Variants in DRG1 observed in about 807,000 individuals in gnomAD.
The protein encoded by DRG1 is developmentally-regulated GTP-binding protein 1.
In DRG1, 19 loss-of-function variants were observed where a neutral mutation model predicts 38.8. The ratio of observed to expected loss-of-function variants is 0.49; its 90% CI spans 0.34 to 0.72. DRG1 has a LOEUF of 0.72. DRG1 is among the 30% of genes least tolerant of loss of function. The pLI is 0.01. For missense variants in DRG1, 299 were observed against 444.8 expected (o/e 0.67, Z 2.95); for synonymous variants, 167 against 157.5 (o/e 1.06, Z -0.45).
chr22:31,433,986 C>T lies in DRG1; in HGVS notation c.*15C>T, dbSNP rs997285530. 3 of 1,610,898 alleles carry T rather than the reference C, an allele frequency of 1.9e-6. No homozygotes were observed. Among genetic ancestry groups the T allele is most frequent in the Non-Finnish European group, 2.5e-6 (3 of 1,177,406 alleles). ...TGAAGAAGTGAAACCTTTCCCTTTT[C>T]CCATCTGCCGGACGAACCACAACAG... On this transcript the variant is annotated 3_prime_UTR_variant, in exon 9 of 9. Coordinates refer to ENST00000331457, the MANE Select transcript of DRG1 (RefSeq NM_004147.4).
chr22:31,428,126 A>G (rs918006829), intron 8 of DRG1, among the ~76,000 whole-genome samples: 4 of 152,206 alleles, frequency 2.6e-5, no homozygotes, highest in African/African-American at 9.6e-5. Context: ...TGTTAGGATT[A>G]TAGGTGTGAG....
At chr22:31,418,344 A>G (rs1179652139) in intron 4 of DRG1, among the ~76,000 whole-genome samples, 1 of 151,892 alleles carries the variant, frequency 6.6e-6, no homozygotes, top group Non-Finnish European at 1.5e-5. Flanking sequence ...GTAGTCCCGG[A>G]TATTCAAGGA....
chr22:31,417,071 A>G (rs1384308756), intron 4 of DRG1, among the ~76,000 whole-genome samples: 2 of 150,296 alleles, frequency 1.3e-5, no homozygotes, highest in African/African-American at 4.9e-5. Flanking sequence ...CTCAAAAAAA[A>G]AAATAATAAT....
chr22:31,433,462 G>C (rs2041616320), intron 8 of DRG1, among the ~76,000 whole-genome samples: 1 of 151,970 alleles, frequency 6.6e-6, no homozygotes, highest in Non-Finnish European at 1.5e-5. Flanking sequence ...GTGGAGACGG[G>C]GTTTCACCAT....
intron 4 of DRG1, among the ~76,000 whole-genome samples, chr22:31,414,901 T>G (rs989878644): frequency 4.6e-5 from 7 of 151,868 alleles, no homozygotes; most frequent in African/African-American, 1.7e-4. Context: ...CTTCTTAGCC[T>G]CTTGAGTAGC....
In DRG1 at chr22:31,423,371, C is replaced by G; in HGVS notation, c.674C>G (p.Ala225Gly). ...HNADVTLRSD[A>G]TADDLIDVVE... ...GCCGATGTGACTCTACGTAGTGATG[C>G]TACAGCTGATGACCTCATTGATGTG... is the stretch of plus-strand genomic sequence containing the variant. The change falls in exon 6 of 9, where the codon GCT (alanine) becomes GGT (glycine). Residue 225 changes from alanine (A) to glycine (G), a missense_variant. Physicochemically the swap from Ala to Gly is moderately conservative, Grantham distance 60. Coordinates refer to ENST00000331457, the MANE Select transcript of DRG1 (RefSeq NM_004147.4). 6.2e-7 allele frequency: 1 copy of G among 1,614,040 alleles called. No individual in the cohort carries two copies. The highest frequency in any genetic ancestry group is 8.5e-7 in the Non-Finnish European group (1 of 1,180,018).
At chr22:31,421,279 AT>A (rs201178656) in intron 5 of DRG1, 4,030 of 119,570 alleles carry the variant, frequency 0.034, 83 homozygotes, top group African/African-American at 0.073. Context: ...GGCTTGGCTA[AT>A]TTTTTTTTTT....
At chr22:31,408,891 A>G (rs559618932) in intron 3 of DRG1, among the ~76,000 whole-genome samples, 76 of 151,998 alleles carry the variant, frequency 5.0e-4, no homozygotes, top group Non-Finnish European at 5.4e-4. Flanking sequence ...ATTTGTTTTA[A>G]CTGTTTTGAC....
In DRG1 at chr22:31,416,537, C is replaced by T. The variant is rs577540521; in HGVS notation, c.413-3719C>T. Among the ~76,000 whole-genome samples, 587 of 143,538 alleles carry T rather than the reference C, an allele frequency of 4.1e-3. 3 individuals are homozygous for T. The highest frequency in any genetic ancestry group is 0.015 in the African/African-American group (540 of 36,766). The allele number at this position is 143,538 out of a possible 152,430, so 94.2% of individuals were successfully genotyped here. On this transcript the variant is annotated intron_variant, in intron 4 of 8. Coordinates refer to ENST00000331457, the MANE Select transcript of DRG1 (RefSeq NM_004147.4). ...TGGGAGGCCAAGGTGGGTGGATCAC[C>T]TGAGGTCAGGAGTTCAAGACCAGCC...
chr22:31,404,461 C>T (rs901308509), intron 3 of DRG1, among the ~76,000 whole-genome samples: 4 of 151,526 alleles, frequency 2.6e-5, no homozygotes, highest in African/African-American at 9.7e-5. Flanking sequence ...AGGCTGGTCT[C>T]GAACTCCTGA....
At chr22:31,421,204 C>T (rs1485840970) in intron 5 of DRG1, 2 of 151,616 alleles carry the variant, frequency 1.3e-5, no homozygotes, top group Admixed American at 6.6e-5. Flanking sequence ...GCTCAAAACT[C>T]TTGGGCTCAA....
chr22:31,421,799 C>T (rs1395648019), intron 5 of DRG1, among the ~76,000 whole-genome samples: 1 of 152,062 alleles, frequency 6.6e-6, no homozygotes, highest in Non-Finnish European at 1.5e-5. Context: ...TAACTGAGAT[C>T]ACCAAGGATG....
intron 5 of DRG1, among the ~76,000 whole-genome samples, 172 bp downstream of exon 5, chr22:31,420,597 G>A (rs1375585285): frequency 6.6e-6 from 1 of 152,176 alleles, no homozygotes; most frequent in African/African-American, 2.4e-5. Context: ...TAGGATAGGA[G>A]CCAGTCTCAG....
chr22:31,431,019 T>TCCCCCCCC (rs10570678), intron 8 of DRG1, among the ~76,000 whole-genome samples: 1 of 81,018 alleles, frequency 1.2e-5, no homozygotes, highest in Non-Finnish European at 2.2e-5. Flanking sequence ...CACCCGGCCT[T>TCCCCCCCC]CCCCCCCCCC....
intron 4 of DRG1, among the ~76,000 whole-genome samples, chr22:31,412,352 C>CTTT (rs539328480): frequency 3.9e-5 from 5 of 127,280 alleles, no homozygotes; most frequent in Non-Finnish European, 6.9e-5. Flanking sequence ...TTCTTTCTTT[C>CTTT]TTTTTTTTTT....
intron 3 of DRG1, 46 bp from the exon 4 acceptor site, chr22:31,410,965 TA>T: frequency 1.3e-6 from 2 of 1,588,854 alleles, no homozygotes; most frequent in African/African-American, 2.7e-5. Flanking sequence ...TTCAAATTTA[TA>T]ACCAGTTTTT....
At position 31,400,283 on chromosome 22, in the gene DRG1, T is replaced by C. The variant is rs564113819; in HGVS notation, c.43-337T>C. 5.9e-5 allele frequency among the ~76,000 whole-genome samples: 9 copies of C among 152,072 alleles called. No homozygotes were observed. In the East Asian group the frequency reaches 1.5e-3, roughly 26 times the overall value. On this transcript the variant is annotated intron_variant, in intron 1 of 8. Coordinates refer to ENST00000331457, the MANE Select transcript of DRG1 (RefSeq NM_004147.4). ...CTGGATAGTGTGTGATTCCATTGCG[T>C]GCGGCCCTGAGAGCGCTTTACAATT...
chr22:31,417,739 C>T (rs893076837), intron 4 of DRG1, among the ~76,000 whole-genome samples: 1 of 151,512 alleles, frequency 6.6e-6, no homozygotes, highest in Admixed American at 6.6e-5. Flanking sequence ...GCATGTAATC[C>T]CAGCACTTTA....
chr22:31,417,183 A>G, intron 4 of DRG1, among the ~76,000 whole-genome samples: 1 of 151,854 alleles, frequency 6.6e-6, no homozygotes, highest in East Asian at 1.9e-4. Flanking sequence ...CAACCTGGCC[A>G]AGGTGGTGAA....
Sources: allele counts gnomAD v4.1 joint callset (sites outside exome capture counted in the v4.1 genomes callset), GRCh38; gene constraint gnomAD v4.1.1; transcripts MANE v1.5; gene names NCBI Gene and HGNC (gene_info 2026-07-23, HGNC 2026-07-21).